Variants in MSH4 observed in about 807,000 individuals in gnomAD.
MSH4 encodes the protein mutS homolog 4, also known as mutS protein homolog 4.
In MSH4, 106 loss-of-function variants were observed where a neutral mutation model predicts 113.7. The ratio of observed to expected loss-of-function variants is 0.93; its 90% CI spans 0.80 to 1.10. The LOEUF (loss-of-function observed/expected upper bound fraction) is 1.10, where lower values mean the gene tolerates loss of function less well. MSH4 is among the 50% of genes least tolerant of loss of function. The pLI is 0.00. For missense variants in MSH4, 1,061 were observed against 1,093.7 expected, an observed-to-expected ratio of 0.97 and a Z score of 0.42; for synonymous variants, 368 against 380.2, an observed-to-expected ratio of 0.97 and a Z score of 0.37.
chr1:75,890,721 A>C lies in MSH4; in HGVS notation c.2252A>C (p.Asn751Thr). The change falls in exon 17 of 20, where the codon AAT becomes ACT. Residue 751 changes from asparagine to threonine, a missense_variant. Physicochemically the swap from Asn to Thr is moderately conservative, Grantham distance 65. Coordinates refer to ENST00000263187, the MANE Select transcript of MSH4 (RefSeq NM_002440.4). Reference protein sequence around the residue: ...KEIAYILHNANDKSLILIDEL... With the variant: ...KEIAYILHNATDKSLILIDEL... ...ATAGCATATATTCTACATAATGCTAATGACAAATCGCTCATATTAATTGAT... is the reference window on the plus strand; with the variant it reads ...ATAGCATATATTCTACATAATGCTACTGACAAATCGCTCATATTAATTGAT... 1 of 1,597,322 alleles carries C rather than the reference A, an allele frequency of 6.3e-7. No individual in the cohort carries two copies. Among genetic ancestry groups the C allele is most frequent in the Admixed American group, 1.7e-5 (1 of 58,436 alleles).
At chr1:75,809,928 G>T (rs1650151986) in intron 3 of MSH4, among the ~76,000 whole-genome samples, 1 of 151,976 alleles carries the variant, frequency 6.6e-6, no homozygotes, top group South Asian at 2.1e-4. Context: ...TGAGATTACA[G>T]GCGTGAGCCA....
intron 1 of MSH4, among the ~76,000 whole-genome samples, chr1:75,798,197 AG>A (rs1401583106): frequency 2.6e-5 from 4 of 152,148 alleles, no homozygotes; most frequent in African/African-American, 9.7e-5. Flanking sequence ...CCTGGTCTCA[AG>A]TGCTCCTGCC....
intron 9 of MSH4, among the ~76,000 whole-genome samples, chr1:75,872,013 C>T (rs1651724786): frequency 6.6e-6 from 1 of 152,110 alleles, no homozygotes; most frequent in Admixed American, 6.6e-5. Flanking sequence ...TTTTTAAGTA[C>T]CAATGTGATG....
chr1:75,882,142 C>G (rs1307928054), intron 14 of MSH4, among the ~76,000 whole-genome samples: 1 of 151,762 alleles, frequency 6.6e-6, no homozygotes, highest in Admixed American at 6.6e-5. Flanking sequence ...TTTTATAGGC[C>G]AAAACTTTTC....
chr1:75,901,438 C>A (rs1652503681), intron 19 of MSH4, among the ~76,000 whole-genome samples: 1 of 152,104 alleles, frequency 6.6e-6, no homozygotes, highest in African/African-American at 2.4e-5. Flanking sequence ...TGGTTTATTT[C>A]ATTTAGCATA....
chr1:75,840,720 T>A (rs1051714427), intron 7 of MSH4, among the ~76,000 whole-genome samples: 5 of 151,418 alleles, frequency 3.3e-5, no homozygotes, highest in Admixed American at 6.6e-5. Context: ...CTAAACCTTT[T>A]AAAAAAAACC....
chr1:75,810,862 T>C (rs1570942213), intron 4 of MSH4, 55 bp downstream of exon 4: 1 of 802,492 alleles, frequency 1.2e-6, no homozygotes, highest in East Asian at 3.3e-5. Flanking sequence ...ATTTATTTAT[T>C]TGTTATTTAT....
chr1:75,909,898 C>T (rs1319523500), intron 19 of MSH4, among the ~76,000 whole-genome samples: 1 of 152,060 alleles, frequency 6.6e-6, no homozygotes, highest in Non-Finnish European at 1.5e-5. Flanking sequence ...TTCCATCTCT[C>T]TTCCATCTTA....
At chr1:75,819,115 A>T (rs1329050258) in intron 6 of MSH4, among the ~76,000 whole-genome samples, 1 of 151,748 alleles carries the variant, frequency 6.6e-6, no homozygotes, top group South Asian at 2.1e-4. Context: ...TTTTCTTGAT[A>T]TGATTATGTG....
rs1571007155 is a variant in MSH4 at position 75,912,709 on chromosome 1, G to A, written c.2633G>A (p.Ser878Asn). The change falls in exon 20 of 20, where the codon AGT (serine) becomes AAT (asparagine). Residue 878 changes from serine (S) to asparagine (N), a missense_variant. Ser to Asn is a conservative substitution (Grantham distance 46). Transcript: ENST00000263187. ...TTTCAATGACAGCAAAACCAAAGGA[G>A]TACCCCTGAGATGGAAAGACAGAGA... The part of the protein sequence containing the change: ...ITRQILQNQR[S>N]TPEMERQRAV... The A allele has an allele frequency of 2.0e-6, 3 of 1,525,986 alleles. No individual in the cohort carries two copies. The highest frequency in any genetic ancestry group is 2.6e-6 in the Non-Finnish European group (3 of 1,145,436). The allele number at this position is 1,525,986 out of a possible 1,614,324, so 94.5% of individuals were successfully genotyped here.
At chr1:75,802,388 G>T (rs918603184) in intron 1 of MSH4, among the ~76,000 whole-genome samples, 3 of 152,182 alleles carry the variant, frequency 2.0e-5, no homozygotes, top group Non-Finnish European at 2.9e-5. Context: ...GAGGAAAAAG[G>T]AGATGGCAAA....
intron 8 of MSH4, among the ~76,000 whole-genome samples, chr1:75,863,439 C>G (rs1239676622): frequency 6.6e-6 from 1 of 152,072 alleles, no homozygotes; most frequent in African/African-American, 2.4e-5. Flanking sequence ...GCTATTATCG[C>G]TTCATTAAAA....
At chr1:75,805,554 A>AT (rs5775309) in intron 2 of MSH4, among the ~76,000 whole-genome samples, 127,718 of 149,212 alleles carry the variant, frequency 0.86, 54,746 homozygotes, top group South Asian at 0.94. Context: ...TGCTCAGCCA[A>AT]TTTTTTTTTT....
chr1:75,885,964 A>T (rs141453018), intron 15 of MSH4, among the ~76,000 whole-genome samples: 5,755 of 106,156 alleles, frequency 0.054, 499 homozygotes, highest in East Asian at 0.21. Flanking sequence ...GATGTATTAT[A>T]TAGCATGTAT....
intron 18 of MSH4, 124 bp downstream of exon 18, chr1:75,898,205 A>G (rs1652426472): frequency 8.0e-6 from 4 of 502,534 alleles, no homozygotes; most frequent in South Asian, 1.1e-4. Context: ...GAGTGCTTAT[A>G]TTCTCTTAGA....
intron 15 of MSH4, among the ~76,000 whole-genome samples, chr1:75,885,505 T>A (rs1331642112): frequency 7.9e-6 from 1 of 126,434 alleles, no homozygotes; most frequent in Non-Finnish European, 1.6e-5. Context: ...CATATATATA[T>A]ACATATAACC....
chr1:75,805,016 A>G (rs370984100), intron 2 of MSH4, among the ~76,000 whole-genome samples: 5 of 144,964 alleles, frequency 3.4e-5, no homozygotes, highest in East Asian at 2.1e-4. Flanking sequence ...TAGTAGAGAC[A>G]GGGTTTTACC....
Position 75,883,692 on chromosome 1 carries a change from GA to G in MSH4, c.1983del (p.Lys661AsnfsTer16). The G allele has an allele frequency of 6.2e-7, 1 of 1,613,248 alleles. No homozygotes were observed. The highest frequency in any genetic ancestry group is 8.5e-7 in the Non-Finnish European group (1 of 1,179,622). On this transcript the variant is annotated frameshift_variant, in exon 15 of 20. Transcript: ENST00000263187. LOFTEE classifies it high-confidence loss of function. ...WHPILEKISA[E>X]KPIANNTYVT... ...TCCTATTCTTGAAAAAATATCTGCG[GA>G]AAAACCTATTGCCAACAATACCTAT...
chr1:75,805,479 C>G (rs1197748946), intron 2 of MSH4, among the ~76,000 whole-genome samples: 1 of 150,868 alleles, frequency 6.6e-6, no homozygotes, highest in Non-Finnish European at 1.5e-5. Flanking sequence ...CATCCACTTC[C>G]TGGGTTCAAG....
Sources: gnomAD v4.1 joint callset for allele counts (sites outside exome capture counted in the v4.1 genomes callset) on GRCh38, gnomAD v4.1.1 for gene constraint, MANE v1.5 for transcripts, NCBI Gene and HGNC (gene_info 2026-07-23, HGNC 2026-07-21) for gene names.